The following CFAP91 variants were observed in gnomAD, a reference collection of about 807,000 sequenced individuals.
CFAP91 encodes cilia- and flagella-associated protein 91.
In CFAP91, 85 loss-of-function variants were observed where a neutral mutation model predicts 95.9. The observed-to-expected ratio is 0.89, with a 90% CI of 0.74 to 1.06. CFAP91 has a LOEUF of 1.06. Ranked by LOEUF, CFAP91 falls within the 50% of genes least tolerant of loss-of-function variation. The pLI is 0.00. For missense variants in CFAP91, 962 were observed against 943.4 expected (o/e 1.02, Z -0.26); for synonymous variants, 335 against 327.5 (o/e 1.02, Z -0.25).
chr3:119,749,754 A>G (rs1426827250), intron 16 of CFAP91, among the ~76,000 whole-genome samples: 2 of 152,162 alleles, frequency 1.3e-5, no homozygotes, highest in Non-Finnish European at 2.9e-5. Context: ...CATATGTATT[A>G]TATATACACT....
rs1467548764 is a variant in CFAP91, at chr3:119,730,436, T to G, written c.1018+59T>G. The G allele has an allele frequency of 2.6e-6, 4 of 1,517,660 alleles. No individual in the cohort carries two copies. The East Asian group carries it at 9.2e-5, about 35-fold the overall frequency. The allele number at this position is 1,517,660 out of a possible 1,614,324, so 94.0% of individuals were successfully genotyped here. On this transcript the variant is annotated intron_variant, in intron 8 of 17. Transcript: ENST00000273390. The stretch of plus-strand genomic sequence containing the variant: ...AAAAGTGGGCTTTGCTTTGGATCTT[T>G]GACCAAACCTGACTTAACTATGATA...
chr3:119,705,665 C>T (rs1398057936), intron 1 of CFAP91, among the ~76,000 whole-genome samples: 1 of 152,204 alleles, frequency 6.6e-6, no homozygotes, highest in South Asian at 2.1e-4. Flanking sequence ...CCGATTTCTT[C>T]TTTTTTAAAA....
chr3:119,741,577 T>C (rs958788746), intron 13 of CFAP91, among the ~76,000 whole-genome samples: 1 of 152,260 alleles, frequency 6.6e-6, no homozygotes, highest in Non-Finnish European at 1.5e-5. Flanking sequence ...TCTTCCAATG[T>C]TTGTCTATAT....
At chr3:119,737,028 G>T (rs1484477120) in intron 10 of CFAP91, among the ~76,000 whole-genome samples, 1 of 152,050 alleles carries the variant, frequency 6.6e-6, no homozygotes, top group Non-Finnish European at 1.5e-5. Flanking sequence ...TAGAGATGGG[G>T]TTTCTCTATG....
At chr3:119,726,443 G>A in intron 7 of CFAP91, 95 bp downstream of exon 7, 1 of 1,219,282 alleles carries the variant, frequency 8.2e-7, no homozygotes, top group Non-Finnish European at 1.1e-6. Flanking sequence ...TGTATGGGTT[G>A]AAAAGCAATC....
intron 5 of CFAP91, among the ~76,000 whole-genome samples, chr3:119,712,534 T>A (rs2053489792): frequency 6.6e-6 from 1 of 152,214 alleles, no homozygotes. Context: ...TTTGAAGTTA[T>A]TTATTCAACT....
chr3:119,725,590 C>T (rs751349891), intron 6 of CFAP91, among the ~76,000 whole-genome samples: 1 of 151,496 alleles, frequency 6.6e-6, no homozygotes, highest in Non-Finnish European at 1.5e-5. Flanking sequence ...CTTGTCTCTA[C>T]AAAAAAATAA....
At chr3:119,764,829 AT>A (rs1029208013) in intron 17 of CFAP91, among the ~76,000 whole-genome samples, 1 of 152,106 alleles carries the variant, frequency 6.6e-6, no homozygotes, top group East Asian at 1.9e-4. Context: ...TAATGTACAG[AT>A]TTTTTTAAGT....
chr3:119,762,872 A>G (rs1274327139), intron 17 of CFAP91, among the ~76,000 whole-genome samples: 1 of 152,120 alleles, frequency 6.6e-6, no homozygotes, highest in African/African-American at 2.4e-5. Context: ...AAACTGCGAG[A>G]AGAAAACATA....
intron 11 of CFAP91, among the ~76,000 whole-genome samples, chr3:119,738,332 CTTTTTTTTTTTTTTTTTTT>C (rs556125660): frequency 3.0e-4 from 7 of 23,074 alleles, no homozygotes; most frequent in East Asian, 2.0e-3. Flanking sequence ...GACATATTGT[CTTTTTTTTTTTTTTTTTTT>C]TTTTTTTTTT....
chr3:119,709,742 C>T, intron 4 of CFAP91, 97 bp from the exon 5 acceptor site: 1 of 900,924 alleles, frequency 1.1e-6, no homozygotes, highest in Non-Finnish European at 1.8e-6. Context: ...TATTTAAGCT[C>T]ACTGATTTTT....
chr3:119,707,054 A>G (rs527479762), intron 2 of CFAP91, 169 bp downstream of exon 2: 2 of 596,132 alleles, frequency 3.4e-6, no homozygotes, highest in East Asian at 2.8e-5. Context: ...CGTGTGGCTC[A>G]TTGTGAGGAT....
chr3:119,754,441 A>G (rs965834649), intron 17 of CFAP91, among the ~76,000 whole-genome samples: 6 of 152,240 alleles, frequency 3.9e-5, no homozygotes, highest in African/African-American at 1.4e-4. Context: ...TAGCCTATTT[A>G]TATTGGAAAA....
chr3:119,715,738 C>T lies in CFAP91; in HGVS notation c.677C>T (p.Thr226Ile). 6.2e-7 allele frequency: 1 copy of T among 1,613,762 alleles called. No homozygotes were observed. Among genetic ancestry groups the T allele is most frequent in the Non-Finnish European group, 8.5e-7 (1 of 1,179,644 alleles). The part of the protein sequence containing the change: ...IPELLTLATL[T>I]WGRGLPAGQA... ...GAGCTCTTGACCCTGGCTACGCTTACTTGGGGTGAGTTGGTAAATCTCCTG... is the reference window on the plus strand; with the variant it reads ...GAGCTCTTGACCCTGGCTACGCTTATTTGGGGTGAGTTGGTAAATCTCCTG... Residue 226 changes from threonine (T) to isoleucine (I), a missense_variant, in exon 6 of 18, where the codon ACT becomes ATT. Thr to Ile is a moderately conservative substitution (Grantham distance 89). Transcript: ENST00000273390.
chr3:119,754,001 G>A (rs1027565403), intron 17 of CFAP91, among the ~76,000 whole-genome samples: 1 of 152,216 alleles, frequency 6.6e-6, no homozygotes, highest in South Asian at 2.1e-4. Context: ...AGCTGACTAA[G>A]CCAGATTTTG....
intron 17 of CFAP91, among the ~76,000 whole-genome samples, chr3:119,754,894 A>G (rs927422676): frequency 6.6e-6 from 1 of 152,244 alleles, no homozygotes; most frequent in African/African-American, 2.4e-5. Flanking sequence ...TGGGCTTAGA[A>G]AGCAAGACAC....
At chr3:119,748,173 C>A (rs889038966) in intron 16 of CFAP91, among the ~76,000 whole-genome samples, 2 of 152,080 alleles carry the variant, frequency 1.3e-5, no homozygotes, top group Non-Finnish European at 2.9e-5. Flanking sequence ...TTCAGAAGAG[C>A]TGTATTTTTT....
chr3:119,747,667 A>G, intron 15 of CFAP91, 144 bp from the exon 16 acceptor site: 2 of 711,348 alleles, frequency 2.8e-6, no homozygotes, highest in Non-Finnish European at 4.5e-6. Context: ...CAAACTTGCC[A>G]GGAATGTGAT....
rs1413591811 is a variant in CFAP91 at position 119,730,068 on chromosome 3, C to G, written c.861-152C>G. 5 of 698,348 alleles carry G rather than the reference C, an allele frequency of 7.2e-6. No individual in the cohort carries two copies. In the Middle Eastern group the frequency reaches 1.1e-3, roughly 147 times the overall value. The allele number at this position is 698,348 out of a possible 1,614,324, so 43.3% of individuals were successfully genotyped here. A position where few individuals can be genotyped will look rare whatever the true frequency, so the allele number is the denominator to read the frequency against. On this transcript the variant is annotated intron_variant, in intron 7 of 17. Transcript: ENST00000273390. The stretch of plus-strand genomic sequence containing the variant: ...TATTGAGTTGCCTCCCCCACGCCCT[C>G]AATTCATCTGTCATACTTTTGCCAG...
Sources: allele counts gnomAD v4.1 joint callset (sites outside exome capture counted in the v4.1 genomes callset), GRCh38; gene constraint gnomAD v4.1.1; transcripts MANE v1.5; gene names NCBI Gene and HGNC (gene_info 2026-07-23, HGNC 2026-07-21).